Variants in CRISPLD2 observed in about 807,000 individuals in gnomAD.
CRISPLD2 encodes cysteine rich secretory protein LCCL domain containing 2, also known as cysteine-rich secretory protein LCCL domain-containing 2.
A neutral mutation model predicts 71.1 loss-of-function variants in CRISPLD2; 47 were observed. The observed-to-expected ratio is 0.66, with a 90% CI of 0.52 to 0.84. The LOEUF (loss-of-function observed/expected upper bound fraction) is 0.84, where lower values mean the gene tolerates loss of function less well. Ranked by LOEUF, CRISPLD2 falls within the 40% of genes least tolerant of loss-of-function variation. The pLI is 0.00. For missense variants in CRISPLD2, 830 were observed against 651.1 expected, an observed-to-expected ratio of 1.27 and a Z score of -2.99; for synonymous variants, 317 against 250.1, an observed-to-expected ratio of 1.27 and a Z score of -2.52.
intron 2 of CRISPLD2, among the ~76,000 whole-genome samples, chr16:84,843,800 A>G (rs1296067077): frequency 6.6e-6 from 1 of 152,202 alleles, no homozygotes; most frequent in African/African-American, 2.4e-5. Flanking sequence ...TAGCCAGACA[A>G]GAGGGGGTTG....
chr16:84,904,642 C>T (rs1406127472), intron 14 of CRISPLD2, among the ~76,000 whole-genome samples: 1 of 151,628 alleles, frequency 6.6e-6, no homozygotes, highest in Non-Finnish European at 1.5e-5. Flanking sequence ...GATTGGAAGT[C>T]CATAAAATAA....
At chr16:84,864,836 A>G (rs1306846511) in intron 6 of CRISPLD2, among the ~76,000 whole-genome samples, 1 of 152,212 alleles carries the variant, frequency 6.6e-6, no homozygotes, top group Non-Finnish European at 1.5e-5. Flanking sequence ...GGAACAGTGC[A>G]GGGTGACCCG....
intron 6 of CRISPLD2, among the ~76,000 whole-genome samples, chr16:84,863,957 C>CAAAAA (rs781013604): frequency 9.9e-5 from 8 of 80,784 alleles, no homozygotes; most frequent in East Asian, 3.8e-4. Context: ...AACTTCCTCT[C>CAAAAA]AAAAAAAAAA....
At chr16:84,844,245 C>G (rs564080161) in intron 2 of CRISPLD2, among the ~76,000 whole-genome samples, 1 of 152,324 alleles carries the variant, frequency 6.6e-6, no homozygotes, top group East Asian at 1.9e-4. Flanking sequence ...GAGTCTCTGC[C>G]CAGACCCCTG....
intron 11 of CRISPLD2, among the ~76,000 whole-genome samples, chr16:84,875,878 C>G (rs1054545438): frequency 5.9e-4 from 89 of 151,990 alleles, no homozygotes; most frequent in Non-Finnish European, 1.1e-3. Context: ...GACACCCTTG[C>G]TTTAAATGTT....
At chr16:84,904,623 A>G (rs1220456739) in intron 14 of CRISPLD2, among the ~76,000 whole-genome samples, 1 of 151,972 alleles carries the variant, frequency 6.6e-6, no homozygotes, top group Non-Finnish European at 1.5e-5. Flanking sequence ...AAAAATTAAA[A>G]AAAAAAATGA....
chr16:84,879,147 G>A lies in CRISPLD2; in HGVS notation c.1230-1362G>A, dbSNP rs1372507177. 2.0e-5 allele frequency among the ~76,000 whole-genome samples: 3 copies of A among 152,130 alleles called. No individual in the cohort carries two copies. The East Asian group carries it at 5.8e-4, about 29-fold the overall frequency. ...CTTTCTCTGGGCCTCCACTGCCTCC[G>A]CACCACCGTCTTGATCCCCCTTGAA... On this transcript the variant is annotated intron_variant, in intron 12 of 14. Transcript: ENST00000262424.
intron 6 of CRISPLD2, among the ~76,000 whole-genome samples, chr16:84,865,539 A>G (rs879536896): frequency 3.9e-5 from 6 of 152,110 alleles, no homozygotes; most frequent in African/African-American, 1.4e-4. Flanking sequence ...TTTCACCCAA[A>G]TACATCTGTT....
chr16:84,896,440 A>G (rs1157462147), intron 14 of CRISPLD2, among the ~76,000 whole-genome samples: 1 of 152,190 alleles, frequency 6.6e-6, no homozygotes, highest in African/African-American at 2.4e-5. Flanking sequence ...TTAGACACTT[A>G]AGATCGTTCA....
At chr16:84,827,736 C>G (rs1372947614) in intron 1 of CRISPLD2, among the ~76,000 whole-genome samples, 2 of 151,758 alleles carry the variant, frequency 1.3e-5, no homozygotes, top group South Asian at 2.1e-4. Flanking sequence ...CCAGCTAATT[C>G]TTGTATTTTT....
intron 12 of CRISPLD2, among the ~76,000 whole-genome samples, chr16:84,879,905 C>A (rs990843103): frequency 2.6e-5 from 4 of 152,180 alleles, no homozygotes; most frequent in African/African-American, 4.8e-5. Flanking sequence ...AAGTAAAGCC[C>A]GTGCTCTTTC....
chr16:84,901,045 G>A (rs143716514), intron 14 of CRISPLD2, among the ~76,000 whole-genome samples: 4 of 119,468 alleles, frequency 3.3e-5, no homozygotes, highest in African/African-American at 6.6e-5. Context: ...ACACACACAC[G>A]CAAAAAAAAA....
Position 84,827,349 on chromosome 16 carries a change from C to T in CRISPLD2, c.-75+7216C>T, listed in dbSNP as rs188118777. On this transcript the variant is annotated intron_variant, in intron 1 of 14. Coordinates refer to ENST00000262424, the MANE Select transcript of CRISPLD2 (RefSeq NM_031476.4). ...GACCCTGTCACCGCCCGACTTCCCT[C>T]CCTCGAGGGCCCTCTTTGCATTTAG... 1.6e-3 allele frequency among the ~76,000 whole-genome samples: 236 copies of T among 152,184 alleles called. 3 individuals carry two copies. Among genetic ancestry groups the T allele is most frequent in the African/African-American group, 5.1e-3 (212 of 41,526 alleles).
At chr16:84,858,679 G>A (rs898080116) in intron 6 of CRISPLD2, among the ~76,000 whole-genome samples, 1 of 152,220 alleles carries the variant, frequency 6.6e-6, no homozygotes, top group African/African-American at 2.4e-5. Flanking sequence ...CTCTGAATCA[G>A]ATTATGACAC....
Position 84,848,962 on chromosome 16 carries a change from G to A in CRISPLD2, c.360-423G>A, listed in dbSNP as rs1402765845. 6.6e-5 allele frequency among the ~76,000 whole-genome samples: 5 copies of A among 76,312 alleles called. No homozygotes were observed. The South Asian group carries it at 1.8e-3, about 27-fold the overall frequency. 50.1% of individuals were successfully genotyped at this position (76,312 alleles called of 152,430 possible). A position where few individuals can be genotyped will look rare whatever the true frequency, so the allele number is the denominator to read the frequency against. On this transcript the variant is annotated intron_variant, in intron 3 of 14. Transcript: ENST00000262424. ...GATCCCGCCACTGCACTCCAGCCTG[G>A]GCGACAGAGCGAGACTCCGTCTCAA...
intron 13 of CRISPLD2, among the ~76,000 whole-genome samples, chr16:84,885,468 G>C (rs529206970): frequency 1.3e-5 from 2 of 152,218 alleles, no homozygotes; most frequent in African/African-American, 4.8e-5. Context: ...TCCCCGGTTT[G>C]CCTAGGGCTG....
intron 6 of CRISPLD2, among the ~76,000 whole-genome samples, chr16:84,863,356 C>T (rs759308987): frequency 5.9e-5 from 9 of 152,166 alleles, no homozygotes; most frequent in African/African-American, 1.7e-4. Context: ...TAGCTAAGCA[C>T]GCAGCAAGTC....
Position 84,868,895 on chromosome 16 carries a change from G to C in CRISPLD2, c.898G>C (p.Gly300Arg). ...CACCAAGATGAAGGACAGGTGCAAA[G>C]GGTCCACGTGTAACAGGTGAGCCTG... ...CDTKMKDRCK[G>R]STCNRYQCPA... is the part of the protein sequence containing the mutation. Residue 300 changes from glycine (G) to arginine (R), a missense_variant, in exon 8 of 15, where the codon GGG becomes CGG. By Grantham distance (125) the Gly-to-Arg change is moderately radical (BLOSUM62 -2). Transcript: ENST00000262424. 1.2e-6 allele frequency: 2 copies of C among 1,607,536 alleles called. No individual in the cohort carries two copies. The highest frequency in any genetic ancestry group is 2.3e-5 in the East Asian group (1 of 44,398).
rs756263318 is a variant in CRISPLD2 at position 84,845,797 on chromosome 16, C to T, written c.252C>T (p.Asp84=). 21 of 1,611,920 alleles carry T rather than the reference C, an allele frequency of 1.3e-5. No individual in the cohort carries two copies. The highest frequency in any genetic ancestry group is 1.6e-4 in the Middle Eastern group (1 of 6,068). ...ASNMEYMTWD[D]ELEKSAAAWA... Reference sequence around the variant, plus strand: ...TCCTTCTCCTGCAGACCTGGGATGACGAACTGGAGAAGTCTGCTGCAGCGT... The same window carrying T: ...TCCTTCTCCTGCAGACCTGGGATGATGAACTGGAGAAGTCTGCTGCAGCGT... Residue 84 remains aspartate, a synonymous_variant, in exon 3 of 15, where the codon GAC becomes GAT. Coordinates refer to ENST00000262424, the MANE Select transcript of CRISPLD2 (RefSeq NM_031476.4).
Sources: allele counts gnomAD v4.1 joint callset (sites outside exome capture counted in the v4.1 genomes callset), GRCh38; gene constraint gnomAD v4.1.1; transcripts MANE v1.5; gene names NCBI Gene and HGNC (gene_info 2026-07-23, HGNC 2026-07-21).